TMEM232: variants seen among roughly 807,000 people sequenced by gnomAD.
The protein encoded by TMEM232 is transmembrane protein 232.
TMEM232 carries 80 observed loss-of-function variants against 78.8 expected under a neutral mutation model. The observed-to-expected ratio is 1.01, with a 90% CI of 0.85 to 1.22. TMEM232 has a LOEUF of 1.22. Among genes scored for constraint, TMEM232 ranks in the 50% most tolerant of loss-of-function variants. The pLI, the probability that TMEM232 is intolerant of heterozygous loss-of-function variation, is 0.00. For synonymous variants in TMEM232, 297 were observed against 254.3 expected, an observed-to-expected ratio of 1.17 and a Z score of -1.60; for missense variants, 881 against 742.2, an observed-to-expected ratio of 1.19 and a Z score of -2.17.
chr5:110,453,931 A>G (rs1205472550), intron 12 of TMEM232, among the ~76,000 whole-genome samples: 1 of 152,232 alleles, frequency 6.6e-6, no homozygotes, highest in Non-Finnish European at 1.5e-5. Flanking sequence ...AATGTGATTA[A>G]TAAAAAAAAT....
intron 1 of TMEM232, among the ~76,000 whole-genome samples, chr5:110,735,652 T>C (rs1331303582): frequency 1.3e-5 from 2 of 152,126 alleles, no homozygotes; most frequent in Non-Finnish European, 2.9e-5. Context: ...AGTGACTCTC[T>C]TCCAAAAAAA....
At chr5:110,415,949 TG>T (rs1756192140), downstream of TMEM232, among the ~76,000 whole-genome samples, 1 of 152,090 alleles carries the variant, frequency 6.6e-6, no homozygotes, top group African/African-American at 2.4e-5. Flanking sequence ...AACTAAAAAA[TG>T]TTTTGAAAAG....
At chr5:110,504,727 T>C (rs1277207887) in intron 12 of TMEM232, among the ~76,000 whole-genome samples, 3 of 152,242 alleles carry the variant, frequency 2.0e-5, no homozygotes, top group African/African-American at 7.2e-5. Flanking sequence ...CTTTTTGTTC[T>C]ATTCAGACCT....
At chr5:110,467,840 T>C (rs1261246606) in intron 12 of TMEM232, among the ~76,000 whole-genome samples, 1 of 152,192 alleles carries the variant, frequency 6.6e-6, no homozygotes, top group Non-Finnish European at 1.5e-5. Flanking sequence ...GAGAAACACA[T>C]CCCAAGGTTC....
chr5:110,561,429 GT>G lies in TMEM232; in HGVS notation c.1455+7017del, dbSNP rs546919050. Among the ~76,000 whole-genome samples, 461 of 151,954 alleles carry G rather than the reference GT, an allele frequency of 3.0e-3. 3 individuals are homozygous for G. Among genetic ancestry groups the G allele is most frequent in the African/African-American group, 0.011 (438 of 41,452 alleles). On this transcript the variant is annotated intron_variant, in intron 11 of 13. Coordinates refer to ENST00000455884, the MANE Select transcript of TMEM232 (RefSeq NM_001039763.4). ...TATATATATGTATATATAAAATACG[GT>G]TTTATGAGAATTAAATAATTAATGC...
At chr5:110,682,218 G>C (rs571560267) in intron 1 of TMEM232, among the ~76,000 whole-genome samples, 2 of 152,184 alleles carry the variant, frequency 1.3e-5, no homozygotes, top group Non-Finnish European at 1.5e-5. Context: ...TTATCCTTAA[G>C]ATTAAAATAT....
At chr5:110,614,681 CAA>C (rs1462838026) in intron 8 of TMEM232, among the ~76,000 whole-genome samples, 3 of 151,962 alleles carry the variant, frequency 2.0e-5, no homozygotes, top group African/African-American at 7.2e-5. Context: ...CCAAGTCACA[CAA>C]TATTTATTTT....
intron 12 of TMEM232, among the ~76,000 whole-genome samples, chr5:110,495,796 C>A: frequency 6.6e-6 from 1 of 150,378 alleles, no homozygotes; most frequent in Non-Finnish European, 1.5e-5. Context: ...GTTACTAGAA[C>A]TAAAATGAAA....
intron 2 of TMEM232, among the ~76,000 whole-genome samples, chr5:110,400,029 T>A (rs528276540): frequency 6.6e-6 from 1 of 152,162 alleles, no homozygotes; most frequent in Non-Finnish European, 1.5e-5. Flanking sequence ...GTTCCTGGCA[T>A]GTACATGCTT....
intron 10 of TMEM232, among the ~76,000 whole-genome samples, chr5:110,587,691 A>ATATATATATG (rs1209205049): frequency 5.2e-4 from 33 of 63,112 alleles, no homozygotes; most frequent in African/African-American, 1.6e-3. Flanking sequence ...ATATATATAT[A>ATATATATATG]TGTGTGTGTG....
At chr5:110,734,054 T>C (rs1798937206) in intron 2 of TMEM232, among the ~76,000 whole-genome samples, 1 of 152,244 alleles carries the variant, frequency 6.6e-6, no homozygotes, top group Non-Finnish European at 1.5e-5. Context: ...TGATAGTATT[T>C]AATCCTACAG....
intron 1 of TMEM232, among the ~76,000 whole-genome samples, chr5:110,669,623 T>G (rs997894523): frequency 1.3e-5 from 2 of 152,234 alleles, no homozygotes; most frequent in Admixed American, 1.3e-4. Context: ...CCTCCCTAAC[T>G]CATTTTATGA....
chr5:110,528,273 T>G (rs1260564206), intron 12 of TMEM232, among the ~76,000 whole-genome samples: 1 of 151,944 alleles, frequency 6.6e-6, no homozygotes, highest in Non-Finnish European at 1.5e-5. Context: ...TATGTATGTA[T>G]ATAAACATAA....
intron 2 of TMEM232, among the ~76,000 whole-genome samples, chr5:110,732,509 T>A (rs1798778168): frequency 6.6e-6 from 1 of 152,148 alleles, no homozygotes; most frequent in African/African-American, 2.4e-5. Context: ...GAAAGGCACT[T>A]CTTACATGAC....
intron 2 of TMEM232, among the ~76,000 whole-genome samples, chr5:110,665,358 G>T (rs1336192122): frequency 6.6e-6 from 1 of 152,250 alleles, no homozygotes; most frequent in East Asian, 1.9e-4. Flanking sequence ...CTCTGTCTCT[G>T]TATTAGTCCG....
At chr5:110,670,854 T>C (rs747482661) in intron 1 of TMEM232, among the ~76,000 whole-genome samples, 2 of 152,182 alleles carry the variant, frequency 1.3e-5, no homozygotes, top group Non-Finnish European at 2.9e-5. Flanking sequence ...GCTAAGCACA[T>C]GTAGCCTAAA....
intron 1 of TMEM232, among the ~76,000 whole-genome samples, chr5:110,735,573 T>C (rs986884368): frequency 2.6e-5 from 4 of 152,194 alleles, no homozygotes; most frequent in African/African-American, 4.8e-5. Flanking sequence ...ATAAATGCTA[T>C]TGTTTGATAA....
intron 3 of TMEM232, 89 bp downstream of exon 3, chr5:110,642,168 CTTA>C: frequency 1.4e-6 from 1 of 707,548 alleles, no homozygotes; most frequent in Non-Finnish European, 2.2e-6. Flanking sequence ...AAGATATATT[CTTA>C]TTTTTTCTTA....
intron 12 of TMEM232, among the ~76,000 whole-genome samples, chr5:110,490,083 C>T (rs1764865497): frequency 6.7e-6 from 1 of 148,216 alleles, no homozygotes; most frequent in South Asian, 2.1e-4. Flanking sequence ...GAGATCACAC[C>T]ATTGCACTCC....
Sources: gnomAD v4.1 joint callset for allele counts (sites outside exome capture counted in the v4.1 genomes callset) on GRCh38, gnomAD v4.1.1 for gene constraint, MANE v1.5 for transcripts, NCBI Gene and HGNC (gene_info 2026-07-23, HGNC 2026-07-21) for gene names.